The following MAF variants were observed in gnomAD, a reference collection of about 807,000 sequenced individuals.
The protein encoded by MAF is transcription factor Maf.
Under a neutral mutation model 22.0 loss-of-function variants are expected in MAF, and 10 were observed. The ratio of observed to expected loss-of-function variants is 0.45; its 90% CI spans 0.28 to 0.77. MAF has a LOEUF of 0.77. MAF is among the 30% of genes least tolerant of loss of function. The pLI, the probability that MAF is intolerant of heterozygous loss-of-function variation, is 0.12. For missense variants in MAF, 544 were observed against 548.4 expected (o/e 0.99, Z 0.08); for synonymous variants, 337 against 255.8 (o/e 1.32, Z -3.03).
chr16:79,594,265 G>T lies in MAF; in HGVS notation c.*195C>A. The T allele has an allele frequency of 3.4e-6, 2 of 588,088 alleles. No homozygotes were observed. Among genetic ancestry groups the T allele is most frequent in the Non-Finnish European group, 6.0e-6 (2 of 332,620 alleles). The allele number at this position is 588,088 out of a possible 1,614,324, so 36.4% of individuals were successfully genotyped here. A position where few individuals can be genotyped will look rare whatever the true frequency, so the allele number is the denominator to read the frequency against. ...ACCATAAATCGAAAAGCAGGAGTGC[G>T]CTTTCCTACCGGTCTCTATGAAACC... On this transcript the variant is annotated 3_prime_UTR_variant, in exon 2 of 2. Coordinates refer to ENST00000326043, the MANE Select transcript of MAF (RefSeq NM_005360.5).
chr16:79,499,088 T>C, the MAF span, among the ~76,000 whole-genome samples: 1 of 152,292 alleles, frequency 6.6e-6, no homozygotes, highest in East Asian at 1.9e-4. Flanking sequence ...GGCACAGAAG[T>C]ATTTCACAGG....
chr16:79,522,248 T>A, the MAF span, among the ~76,000 whole-genome samples: 4 of 152,252 alleles, frequency 2.6e-5, no homozygotes, highest in African/African-American at 9.6e-5. Context: ...TGATCTCCAT[T>A]GAGCTCTCAG....
the MAF span, among the ~76,000 whole-genome samples, chr16:79,394,501 G>A: frequency 6.6e-6 from 1 of 152,138 alleles, no homozygotes; most frequent in Non-Finnish European, 1.5e-5. Flanking sequence ...TTTACGAATT[G>A]TTTTCACAAC....
At chr16:79,243,738 C>G in the MAF span, among the ~76,000 whole-genome samples, 4 of 152,116 alleles carry the variant, frequency 2.6e-5, no homozygotes, top group African/African-American at 9.6e-5. Context: ...CATCCTGATA[C>G]CAAAACCTGG....
the MAF span, among the ~76,000 whole-genome samples, chr16:79,213,458 G>T: frequency 6.6e-6 from 1 of 151,456 alleles, no homozygotes; most frequent in Non-Finnish European, 1.5e-5. Flanking sequence ...AAAAGCAGCC[G>T]TCAGAACTCC....
the MAF span, among the ~76,000 whole-genome samples, chr16:79,449,917 C>A: frequency 6.6e-6 from 1 of 152,312 alleles, no homozygotes; most frequent in South Asian, 2.1e-4. Context: ...TATGGGCTTC[C>A]AACTTTTTAT....
the MAF span, among the ~76,000 whole-genome samples, chr16:79,470,421 A>G: frequency 6.6e-6 from 1 of 152,194 alleles, no homozygotes; most frequent in African/African-American, 2.4e-5. Context: ...CATGGCAGAA[A>G]GAGCTGCCCA....
the MAF span, among the ~76,000 whole-genome samples, chr16:79,358,404 T>A: frequency 6.6e-6 from 1 of 152,138 alleles, no homozygotes; most frequent in Non-Finnish European, 1.5e-5. Flanking sequence ...CGTTCACTGA[T>A]CCCCTAGCTG....
chr16:79,215,792 A>G, the MAF span, among the ~76,000 whole-genome samples: 26 of 152,292 alleles, frequency 1.7e-4, no homozygotes, highest in African/African-American at 6.3e-4. Flanking sequence ...CTCTGCTATA[A>G]AGGAATTTAC....
the MAF span, among the ~76,000 whole-genome samples, chr16:79,283,384 T>G: frequency 5.9e-5 from 9 of 152,332 alleles, no homozygotes; most frequent in Middle Eastern, 6.8e-3. Context: ...ATATTCTTTT[T>G]AAAAGCTTCT....
chr16:79,210,293 T>C, the MAF span, among the ~76,000 whole-genome samples: 1 of 152,186 alleles, frequency 6.6e-6, no homozygotes, highest in African/African-American at 2.4e-5. Flanking sequence ...CTTCACGTCG[T>C]AACACCTTCC....
chr16:79,500,584 C>A, the MAF span, among the ~76,000 whole-genome samples: 1 of 152,086 alleles, frequency 6.6e-6, no homozygotes, highest in Non-Finnish European at 1.5e-5. Flanking sequence ...CTTGACTGGT[C>A]CCACCCAGAG....
the MAF span, among the ~76,000 whole-genome samples, chr16:79,223,635 A>G: frequency 6.6e-6 from 1 of 152,214 alleles, no homozygotes; most frequent in East Asian, 1.9e-4. Context: ...AGAAGAAAAG[A>G]GGGAAGAATT....
the MAF span, among the ~76,000 whole-genome samples, chr16:79,551,285 C>A: frequency 3.3e-5 from 5 of 152,076 alleles, no homozygotes; most frequent in African/African-American, 9.7e-5. Flanking sequence ...GAAAGCCAAG[C>A]AGGAAGAGGC....
At chr16:79,577,612 T>C in the MAF span, among the ~76,000 whole-genome samples, 1 of 152,174 alleles carries the variant, frequency 6.6e-6, no homozygotes, top group African/African-American at 2.4e-5. Flanking sequence ...CATCACTGTC[T>C]TCTGCTCCAC....
the MAF span, among the ~76,000 whole-genome samples, chr16:79,247,827 C>T: frequency 6.6e-6 from 1 of 152,144 alleles, no homozygotes; most frequent in Non-Finnish European, 1.5e-5. Context: ...ACTGTCATAG[C>T]ACATCCAAAT....
chr16:79,436,480 G>A, the MAF span, among the ~76,000 whole-genome samples: 1 of 152,210 alleles, frequency 6.6e-6, no homozygotes, highest in Non-Finnish European at 1.5e-5. Flanking sequence ...AAATAACACT[G>A]CCGATGACCC....
the MAF span, among the ~76,000 whole-genome samples, chr16:79,417,281 A>T: frequency 8.5e-5 from 13 of 152,288 alleles, no homozygotes; most frequent in East Asian, 2.5e-3. Flanking sequence ...ACACCGACAT[A>T]AACCTTTTAT....
the MAF span, among the ~76,000 whole-genome samples, chr16:79,571,154 C>A: frequency 6.6e-6 from 1 of 151,692 alleles, no homozygotes; most frequent in African/African-American, 2.4e-5. Context: ...CCAAGACTGT[C>A]TGAGCTGACA....
Sources: gnomAD v4.1 joint callset for allele counts (sites outside exome capture counted in the v4.1 genomes callset) on GRCh38, gnomAD v4.1.1 for gene constraint, MANE v1.5 for transcripts, NCBI Gene and HGNC (gene_info 2026-07-23, HGNC 2026-07-21) for gene names.